The following BCL9 variants were observed in gnomAD, a reference collection of about 807,000 sequenced individuals.
The protein encoded by BCL9 is BCL9 transcription coactivator.
Under a neutral mutation model 88.5 loss-of-function variants are expected in BCL9, and 25 were observed. That is an observed-to-expected ratio of 0.28 (90% CI 0.21 to 0.39). BCL9 has a LOEUF of 0.39. BCL9 is among the 10% of genes least tolerant of loss of function. The pLI, the probability that BCL9 is intolerant of heterozygous loss-of-function variation, is 1.00. For synonymous variants in BCL9, 711 were observed against 673.3 expected (o/e 1.06, Z -0.87); for missense variants, 1,817 against 1,877.8 (o/e 0.97, Z 0.60).
chr1:147,585,724 G>A (rs188083569), intron 1 of BCL9, among the ~76,000 whole-genome samples: 3 of 152,256 alleles, frequency 2.0e-5, no homozygotes, highest in East Asian at 3.9e-4. Flanking sequence ...ATTTATTATT[G>A]TTTAGCATTT....
At chr1:147,584,107 G>C (rs1324912278) in intron 1 of BCL9, among the ~76,000 whole-genome samples, 4 of 151,276 alleles carry the variant, frequency 2.6e-5, no homozygotes, top group Non-Finnish European at 4.4e-5. Context: ...GAGTGCAATG[G>C]TGTGATCTCA....
Position 147,623,927 on chromosome 1 carries a change from C to G in BCL9, c.3249C>G (p.Thr1083=), listed in dbSNP as rs782692598. ...PMPTLSPMGM[T]QPLSHSNQMP... is the part of the protein sequence containing the mutation. ...CAACCCTCAGCCCAATGGGAATGAC[C>G]CAGCCACTTTCTCACTCCAATCAGA... Residue 1083 remains threonine (T), a synonymous_variant, in exon 10 of 10, where the codon ACC becomes ACG. Transcript: ENST00000234739. The G allele has an allele frequency of 1.2e-6, 2 of 1,614,176 alleles. No individual in the cohort carries two copies. The highest frequency in any genetic ancestry group is 1.7e-6 in the Non-Finnish European group (2 of 1,180,040).
intron 7 of BCL9, 57 bp from the exon 8 acceptor site, chr1:147,618,759 T>C (rs1388391580): frequency 4.2e-6 from 6 of 1,427,096 alleles, no homozygotes; most frequent in Non-Finnish European, 5.6e-6. Context: ...TCTTGCTCTT[T>C]TAATTGCCCT....
intron 7 of BCL9, 94 bp from the exon 8 acceptor site, chr1:147,618,722 G>A: frequency 8.1e-7 from 1 of 1,229,080 alleles, no homozygotes; most frequent in Non-Finnish European, 1.1e-6. Context: ...AGATTTATGT[G>A]CCTGGGGACA....
chr1:147,619,421 C>T lies in BCL9; in HGVS notation c.1266C>T (p.Pro422=). Residue 422 remains proline (P), a synonymous_variant, in exon 8 of 10, where the codon CCC becomes CCT. Transcript: ENST00000234739. This position sits in a 1 kb window ranked among gnomAD's most constrained non-coding sequence, Gnocchi z 4.1. ...QSQSLGKGPG[P]RTDVGAPFGP... ...AAAGCCTAGGTAAGGGACCTGGGCC[C>T]CGGACAGACGTGGGAGCTCCATTTG... 1 of 1,614,074 alleles carries T rather than the reference C, an allele frequency of 6.2e-7. No individual in the cohort carries two copies. Among genetic ancestry groups the T allele is most frequent in the South Asian group, 1.1e-5 (1 of 91,080 alleles).
chr1:147,621,590 T>C (rs782101339), intron 8 of BCL9, among the ~76,000 whole-genome samples: 9 of 152,192 alleles, frequency 5.9e-5, no homozygotes, highest in African/African-American at 2.2e-4. Context: ...CTGGGAGAGA[T>C]TCTTGCTGAT....
chr1:147,618,728 G>C, intron 7 of BCL9, 88 bp from the exon 8 acceptor site: 1 of 1,278,334 alleles, frequency 7.8e-7, no homozygotes, highest in South Asian at 2.0e-5. Flanking sequence ...ATGTGCCTGG[G>C]GACAATTCCT....
At chr1:147,613,949 C>G (rs1658138616) in intron 5 of BCL9, among the ~76,000 whole-genome samples, 1 of 152,090 alleles carries the variant, frequency 6.6e-6, no homozygotes, top group Non-Finnish European at 1.5e-5. Flanking sequence ...CTCCTTCCTC[C>G]CCTCCTCCCT....
intron 3 of BCL9, among the ~76,000 whole-genome samples, chr1:147,607,159 C>T (rs1259652733): frequency 6.6e-6 from 1 of 152,134 alleles, no homozygotes; most frequent in East Asian, 1.9e-4. Context: ...TTGCAGATGA[C>T]AGGATTTCCT....
intron 1 of BCL9, among the ~76,000 whole-genome samples, chr1:147,591,994 T>G (rs1656868306): frequency 6.6e-6 from 1 of 152,242 alleles, no homozygotes; most frequent in Non-Finnish European, 1.5e-5. Context: ...CTGCTTAGTT[T>G]GGCACTAGAC....
At chr1:147,566,332 G>A (rs1277304685) in intron 1 of BCL9, among the ~76,000 whole-genome samples, 1 of 152,184 alleles carries the variant, frequency 6.6e-6, no homozygotes, top group Non-Finnish European at 1.5e-5. Context: ...AGAATAAAAT[G>A]TATGTATAGG....
intron 3 of BCL9, among the ~76,000 whole-genome samples, chr1:147,608,537 G>A (rs1485658496): frequency 6.6e-6 from 1 of 151,984 alleles, no homozygotes; most frequent in Non-Finnish European, 1.5e-5. Context: ...AAAGAAAGAG[G>A]AGATAGATAT....
intron 1 of BCL9, among the ~76,000 whole-genome samples, chr1:147,568,463 T>C (rs1655712548): frequency 9.0e-6 from 1 of 111,536 alleles, no homozygotes; most frequent in African/African-American, 3.4e-5. Flanking sequence ...CAAAGGTTGT[T>C]GAAAGAAAAA....
intron 1 of BCL9, among the ~76,000 whole-genome samples, chr1:147,550,608 C>T (rs1437665898): frequency 6.6e-6 from 1 of 152,140 alleles, no homozygotes; most frequent in Non-Finnish European, 1.5e-5. Context: ...AAAAAGCAAG[C>T]ATACTACTGG....
Position 147,620,605 on chromosome 1 carries a change from T to A in BCL9, c.2450T>A (p.Met817Lys), listed in dbSNP as rs781846437. 6.2e-7 allele frequency: 1 copy of A among 1,614,208 alleles called. No homozygotes were observed. The highest frequency in any genetic ancestry group is 8.5e-7 in the Non-Finnish European group (1 of 1,180,032). ...AGGACTAACAGCCGGCTCAGTCATA[T>A]GCCACCACTACCTCTCAACCCTTCC... is the stretch of plus-strand genomic sequence containing the variant. ...DQRTNSRLSH[M>K]PPLPLNPSSN... The change falls in exon 8 of 10, where the codon ATG (methionine) becomes AAG (lysine). Residue 817 changes from methionine (M) to lysine (K), a missense_variant. By Grantham distance (95) the Met-to-Lys change is moderately conservative. Coordinates refer to ENST00000234739, the MANE Select transcript of BCL9 (RefSeq NM_004326.4).
chr1:147,617,735 C>G (rs979499398), intron 7 of BCL9, among the ~76,000 whole-genome samples: 2 of 152,044 alleles, frequency 1.3e-5, no homozygotes, highest in Non-Finnish European at 2.9e-5. Context: ...GAGGTAAGAG[C>G]CTGAAGGGTT....
intron 1 of BCL9, among the ~76,000 whole-genome samples, chr1:147,595,110 A>C (rs1434178559): frequency 6.6e-6 from 1 of 152,232 alleles, no homozygotes; most frequent in African/African-American, 2.4e-5. Context: ...GGATACATAA[A>C]AGGATTACAA....
intron 3 of BCL9, among the ~76,000 whole-genome samples, chr1:147,609,150 GA>G (rs1223952387): frequency 1.3e-5 from 2 of 151,982 alleles, no homozygotes; most frequent in African/African-American, 4.8e-5. Flanking sequence ...TATGTTGGGG[GA>G]AAAAAATCTC....
chr1:147,619,909 C>A lies in BCL9; in HGVS notation c.1754C>A (p.Pro585Gln). 1 of 1,614,166 alleles carries A rather than the reference C, an allele frequency of 6.2e-7. No homozygotes were observed. Among genetic ancestry groups the A allele is most frequent in the Admixed American group, 1.7e-5 (1 of 60,024 alleles). Residue 585 changes from proline (P) to glutamine (Q), a missense_variant, in exon 8 of 10, where the codon CCA becomes CAA. Around this residue, in one of 2 missense-constraint regions of BCL9, gnomAD observed 1,228 missense variants for 1,191.6 expected, o/e 1.03. Transcript: ENST00000234739. This position sits in a 1 kb window ranked among gnomAD's most constrained non-coding sequence, Gnocchi z 4.1. ...GPNVPNPASR[P>Q]GLSGVSWPDD... is the part of the protein sequence containing the mutation. ...AATGTCCCCAACCCTGCATCTAGAC[C>A]AGGTCTTTCTGGAGTCAGTTGGCCA...
Sources: allele counts gnomAD v4.1 joint callset (sites outside exome capture counted in the v4.1 genomes callset), GRCh38; gene constraint gnomAD v4.1.1; regional missense constraint gnomAD v4.1.1; non-coding constraint Gnocchi (gnomAD v3.1); transcripts MANE v1.5; gene names NCBI Gene and HGNC (gene_info 2026-07-23, HGNC 2026-07-21).